Variants in CFAP20DC observed in about 807,000 individuals in gnomAD.
The protein encoded by CFAP20DC is protein CFAP20DC.
A neutral mutation model predicts 101.7 loss-of-function variants in CFAP20DC; 84 were observed. That is an observed-to-expected ratio of 0.83 (90% CI 0.69 to 0.99). The LOEUF (loss-of-function observed/expected upper bound fraction) is 0.99, where lower values mean the gene tolerates loss of function less well. Among genes scored for constraint, CFAP20DC ranks in the 50% least tolerant of loss-of-function variants. The pLI, the probability that CFAP20DC is intolerant of heterozygous loss-of-function variation, is 0.00. For missense variants in CFAP20DC, 1,007 were observed against 970.3 expected (o/e 1.04, Z -0.50); for synonymous variants, 359 against 351.2 (o/e 1.02, Z -0.25).
chr3:58,754,134 A>G (rs1342740584), intron 15 of CFAP20DC, among the ~76,000 whole-genome samples: 1 of 152,198 alleles, frequency 6.6e-6, no homozygotes, highest in African/African-American at 2.4e-5. Context: ...ATTACAGCAG[A>G]GTTCTTTTCA....
At position 58,874,313 on chromosome 3, in the gene CFAP20DC, A is replaced by G. The variant is rs567378321; in HGVS notation, c.716-4004T>C. Reference sequence around the variant, plus strand: ...ATCCTCTTCCTCCTGGATGATGACAAAGCCTTACTGTGTGACTTACTGTGT... The same window carrying G: ...ATCCTCTTCCTCCTGGATGATGACAGAGCCTTACTGTGTGACTTACTGTGT... On this transcript the variant is annotated intron_variant, in intron 7 of 16. Coordinates refer to ENST00000482387, the MANE Select transcript of CFAP20DC (RefSeq NM_001394063.1). This position sits in a 1 kb window ranked among gnomAD's most constrained non-coding sequence, Gnocchi z 5.1. 2.0e-4 allele frequency among the ~76,000 whole-genome samples: 31 copies of G among 152,268 alleles called. No individual in the cohort carries two copies. In the East Asian group the frequency reaches 5.6e-3, roughly 27 times the overall value.
chr3:58,843,097 G>A (rs1050932171), intron 13 of CFAP20DC, among the ~76,000 whole-genome samples: 1 of 152,182 alleles, frequency 6.6e-6, no homozygotes, highest in Non-Finnish European at 1.5e-5. Context: ...ACTCTAAAAC[G>A]CAGAGCGCCT....
intron 3 of CFAP20DC, chr3:58,726,369 T>G (rs558894157): frequency 6.6e-6 from 1 of 152,594 alleles, no homozygotes; most frequent in Non-Finnish European, 1.5e-5. Context: ...CAGCATGCTG[T>G]CATGGGCTGG....
chr3:58,744,893 G>T (rs182295479), intron 16 of CFAP20DC, among the ~76,000 whole-genome samples: 5 of 152,320 alleles, frequency 3.3e-5, no homozygotes, highest in Admixed American at 6.5e-5. Context: ...TAGATGAACT[G>T]TGCTTAGAAC....
intron 14 of CFAP20DC, among the ~76,000 whole-genome samples, chr3:58,827,478 C>CA (rs1051829941): frequency 2.6e-5 from 4 of 151,932 alleles, no homozygotes; most frequent in African/African-American, 9.7e-5. Flanking sequence ...CGCAAGCTGA[C>CA]AGAGAAACGA....
rs766221998 is a variant in CFAP20DC, at chr3:58,849,267, G to T, written c.1736C>A (p.Ala579Glu). The change falls in exon 13 of 17, where the codon GCA becomes GAA. Residue 579 changes from alanine (A) to glutamate (E), a missense_variant. Transcript: ENST00000482387. ...CATCGAGGAATCCTGGCTTTCTGTTGCTCCTGCTTCTGTGTAGGCGCTCCT... is the reference window on the plus strand; with the variant it reads ...CATCGAGGAATCCTGGCTTTCTGTTTCTCCTGCTTCTGTGTAGGCGCTCCT... ...YLRSAYTEAG[A>E]TESQDSSMEQ... 12 of 1,535,918 alleles carry T rather than the reference G, an allele frequency of 7.8e-6. No individual in the cohort carries two copies. In the African/African-American group the frequency reaches 1.6e-4, roughly 21 times the overall value.
In CFAP20DC at chr3:58,803,325, C is replaced by A. The variant is rs921805400; in HGVS notation, c.2237+3070G>T. ...TTATGTATTGTTCAGAGCCTCCATA[C>A]CAGAATTTTCAATCACGGGTTCAAG... On this transcript the variant is annotated intron_variant, in intron 15 of 16. Transcript: ENST00000482387. Among the ~76,000 whole-genome samples, 6 of 152,154 alleles carry A rather than the reference C, an allele frequency of 3.9e-5. No homozygotes were observed. In the East Asian group the frequency reaches 1.2e-3, roughly 29 times the overall value.
intron 15 of CFAP20DC, among the ~76,000 whole-genome samples, chr3:58,801,018 T>TG (rs1559607516): frequency 1.3e-4 from 1 of 7,472 alleles, no homozygotes; most frequent in East Asian, 3.3e-3. Context: ...TGAATAACAC[T>TG]GGGGTGGGGT....
At chr3:58,810,388 G>T (rs1351839510) in intron 14 of CFAP20DC, among the ~76,000 whole-genome samples, 1 of 152,114 alleles carries the variant, frequency 6.6e-6, no homozygotes, top group African/African-American at 2.4e-5. Flanking sequence ...GGGATGCAAG[G>T]CTGGTTCAAT....
At chr3:58,734,526 C>T (rs1389608237) in intron 3 of CFAP20DC, 3 of 456,334 alleles carry the variant, frequency 6.6e-6, no homozygotes, top group Non-Finnish European at 1.3e-5. Context: ...TTGGATGTCT[C>T]CAAGCTCTCC....
At chr3:58,836,579 A>C (rs1442652025) in intron 13 of CFAP20DC, among the ~76,000 whole-genome samples, 2 of 152,108 alleles carry the variant, frequency 1.3e-5, no homozygotes, top group African/African-American at 2.4e-5. Flanking sequence ...TCATGGGCTG[A>C]AGGGGGATAG....
At chr3:58,760,438 A>C (rs1312410807) in intron 15 of CFAP20DC, among the ~76,000 whole-genome samples, 1 of 152,170 alleles carries the variant, frequency 6.6e-6, no homozygotes, top group East Asian at 1.9e-4. Flanking sequence ...TTTTGGGCTG[A>C]GATGATGGGG....
intron 4 of CFAP20DC, among the ~76,000 whole-genome samples, chr3:58,939,678 T>C (rs1459684646): frequency 1.3e-5 from 2 of 151,596 alleles, no homozygotes; most frequent in Non-Finnish European, 2.9e-5. Flanking sequence ...CAGGATGGTC[T>C]CAATCTCCTG....
At chr3:58,810,073 T>C (rs6800082) in intron 14 of CFAP20DC, among the ~76,000 whole-genome samples, 18,276 of 151,958 alleles carry the variant, frequency 0.12, 1,998 homozygotes, top group East Asian at 0.35. Context: ...AGCTTACCAA[T>C]CAAAAAGAAT....
At chr3:58,933,623 C>G (rs1237918298) in intron 5 of CFAP20DC, among the ~76,000 whole-genome samples, 1 of 151,958 alleles carries the variant, frequency 6.6e-6, no homozygotes, top group Non-Finnish European at 1.5e-5. Context: ...GAAACTCACT[C>G]AAAACCACTC....
intron 6 of CFAP20DC, among the ~76,000 whole-genome samples, chr3:58,888,589 G>A (rs1405677828): frequency 6.6e-6 from 1 of 152,088 alleles, no homozygotes; most frequent in Non-Finnish European, 1.5e-5. Flanking sequence ...GCCCTAGTGT[G>A]TGTTATCCTC....
At chr3:58,825,889 G>A (rs540112974) in intron 14 of CFAP20DC, among the ~76,000 whole-genome samples, 1 of 152,290 alleles carries the variant, frequency 6.6e-6, no homozygotes, top group African/African-American at 2.4e-5. Flanking sequence ...GAGGAATGTG[G>A]TTACATTTAA....
chr3:58,978,062 TA>T (rs1456060005), intron 4 of CFAP20DC, among the ~76,000 whole-genome samples: 1 of 152,146 alleles, frequency 6.6e-6, no homozygotes, highest in African/African-American at 2.4e-5. Context: ...GATCCGGAAG[TA>T]GGCTAGTGAG....
chr3:58,966,009 A>T (rs1306916013), intron 4 of CFAP20DC, among the ~76,000 whole-genome samples: 2 of 152,250 alleles, frequency 1.3e-5, no homozygotes, highest in Admixed American at 1.3e-4. Flanking sequence ...AACACTGGAA[A>T]TTAACCAAAG....
Sources: gnomAD v4.1 joint callset for allele counts (sites outside exome capture counted in the v4.1 genomes callset) on GRCh38, gnomAD v4.1.1 for gene constraint, Gnocchi (gnomAD v3.1) non-coding constraint, MANE v1.5 for transcripts, NCBI Gene and HGNC (gene_info 2026-07-23, HGNC 2026-07-21) for gene names.